The following TBC1D5 variants were observed in gnomAD, a reference collection of about 807,000 sequenced individuals.
TBC1D5 encodes the protein TBC1 domain family member 5.
TBC1D5 carries 75 observed loss-of-function variants against 100.3 expected under a neutral mutation model. That is an observed-to-expected ratio of 0.75 (90% CI 0.62 to 0.91). The LOEUF (loss-of-function observed/expected upper bound fraction) is 0.91, where lower values mean the gene tolerates loss of function less well. Ranked by LOEUF, TBC1D5 falls within the 40% of genes least tolerant of loss-of-function variation. The pLI is 0.00. For missense variants in TBC1D5, 910 were observed against 942.4 expected (o/e 0.97, Z 0.45); for synonymous variants, 323 against 325.6 (o/e 0.99, Z 0.09).
chr3:17,399,321 C>T (rs1005504723), intron 8 of TBC1D5, among the ~76,000 whole-genome samples: 1 of 151,876 alleles, frequency 6.6e-6, no homozygotes, highest in Non-Finnish European at 1.5e-5. Flanking sequence ...AACACTAGAT[C>T]CCAAGAAAAC....
chr3:17,412,850 G>A (rs1407780041), intron 4 of TBC1D5, among the ~76,000 whole-genome samples: 1 of 152,084 alleles, frequency 6.6e-6, no homozygotes, highest in Non-Finnish European at 1.5e-5. Context: ...AACCACTAAA[G>A]GGAAACATGA....
At chr3:17,396,397 T>C (rs576231881) in intron 8 of TBC1D5, among the ~76,000 whole-genome samples, 9 of 152,114 alleles carry the variant, frequency 5.9e-5, no homozygotes, top group African/African-American at 2.2e-4. Context: ...TGCTCTGAAA[T>C]TGCTTGTAAA....
rs1242051687 is a variant in TBC1D5 at position 17,690,463 on chromosome 3, G to A, written c.-101+48880C>T. Among the ~76,000 whole-genome samples the A allele has an allele frequency of 3.0e-4, 9 of 30,228 alleles. 4 individuals are homozygous for A. Among genetic ancestry groups the A allele is most frequent in the Admixed American group, 8.9e-4 (2 of 2,256 alleles). 19.8% of individuals were successfully genotyped at this position (30,228 alleles called of 152,430 possible). On this transcript the variant is annotated intron_variant, in intron 1 of 21. Coordinates refer to ENST00000253692, the Ensembl canonical transcript of TBC1D5. ...GATCTCCTGACCTCGTGATCCGCCC[G>A]CCTCGGCCTCCCAAAGTGCTGGGAT...
intron 4 of TBC1D5, among the ~76,000 whole-genome samples, chr3:17,407,375 GCTA>G (rs1297412527): frequency 6.6e-6 from 1 of 152,066 alleles, no homozygotes; most frequent in Non-Finnish European, 1.5e-5. Context: ...TTGAGTAGAG[GCTA>G]CTGAGATTAG....
chr3:17,689,650 C>T (rs2070828905), intron 1 of TBC1D5, among the ~76,000 whole-genome samples: 2 of 152,032 alleles, frequency 1.3e-5, no homozygotes, highest in Admixed American at 6.6e-5. Context: ...TAAAAAGTCA[C>T]ATCAGGCAGG....
intron 1 of TBC1D5, among the ~76,000 whole-genome samples, chr3:17,643,092 A>G (rs115251786): frequency 3.0e-3 from 460 of 152,096 alleles, no homozygotes; most frequent in African/African-American, 0.011. Context: ...CATTACCTTT[A>G]GTTGTCATGT....
At chr3:17,562,824 T>C (rs1314351322) in intron 2 of TBC1D5, among the ~76,000 whole-genome samples, 10 of 152,210 alleles carry the variant, frequency 6.6e-5, no homozygotes, top group Non-Finnish European at 5.9e-5. Context: ...GCAAATCTAA[T>C]AAAAATTCCA....
At chr3:17,490,904 T>C (rs529629862) in intron 3 of TBC1D5, among the ~76,000 whole-genome samples, 1 of 152,340 alleles carries the variant, frequency 6.6e-6, no homozygotes, top group Non-Finnish European at 1.5e-5. Context: ...TTCAGCAGTA[T>C]GGCCATTTTC....
chr3:17,417,849 A>G (rs2094121240), intron 4 of TBC1D5, among the ~76,000 whole-genome samples: 1 of 151,314 alleles, frequency 6.6e-6, no homozygotes, highest in Non-Finnish European at 1.5e-5. Context: ...CCTCTCCAGC[A>G]CCTGTTGTTT....
chr3:17,394,750 CTACAAACCT>C lies in TBC1D5; in HGVS notation c.509+8422_509+8430del, dbSNP rs546599808. Among the ~76,000 whole-genome samples, 387 of 152,032 alleles carry C rather than the reference CTACAAACCT, an allele frequency of 2.5e-3. 2 individuals are homozygous for C. The highest frequency in any genetic ancestry group is 4.3e-3 in the Non-Finnish European group (292 of 67,960). ...GTATTTGCTGAATGGACAAATATAC[CTACAAACCT>C]TACAAACAACCAAACCTTTGAGGAA... On this transcript the variant is annotated intron_variant, in intron 8 of 21. Coordinates refer to ENST00000253692, the Ensembl canonical transcript of TBC1D5.
In TBC1D5 at chr3:17,700,537, C is replaced by G. The variant is rs577445181; in HGVS notation, c.-101+38806G>C. On this transcript the variant is annotated intron_variant, in intron 1 of 21. Transcript: ENST00000253692. ...CAAAAGAAACTACCATCAGAGTGAA[C>G]AGGCAACCTACAGAATAGGAGAAAA... 1.7e-4 allele frequency among the ~76,000 whole-genome samples: 26 copies of G among 152,264 alleles called. No individual in the cohort carries two copies. The South Asian group carries it at 5.4e-3, about 32-fold the overall frequency.
At chr3:17,214,736 C>G (rs954383517) in intron 17 of TBC1D5, among the ~76,000 whole-genome samples, 3 of 151,772 alleles carry the variant, frequency 2.0e-5, no homozygotes, top group Admixed American at 6.6e-5. Flanking sequence ...AAACCAGAAT[C>G]TATTATACTG....
intron 4 of TBC1D5, among the ~76,000 whole-genome samples, chr3:17,418,089 G>T (rs2094126513): frequency 6.6e-6 from 1 of 152,058 alleles, no homozygotes; most frequent in Non-Finnish European, 1.5e-5. Flanking sequence ...ATCATGGAAT[G>T]AAAATTGTAT....
chr3:17,320,228 A>G (rs936260320), intron 13 of TBC1D5, among the ~76,000 whole-genome samples: 1 of 152,222 alleles, frequency 6.6e-6, no homozygotes, highest in African/African-American at 2.4e-5. Context: ...ACACACAAAA[A>G]GGGGAATTTG....
intron 14 of TBC1D5, among the ~76,000 whole-genome samples, chr3:17,292,830 T>C (rs149656589): frequency 6.6e-4 from 100 of 152,318 alleles, no homozygotes; most frequent in African/African-American, 2.4e-3. Context: ...ACTTCTGTGG[T>C]TGCAAGTGAA....
intron 13 of TBC1D5, among the ~76,000 whole-genome samples, chr3:17,343,210 A>T (rs555142721): frequency 2.0e-3 from 309 of 152,252 alleles, no homozygotes; most frequent in African/African-American, 7.1e-3. Flanking sequence ...CCTTTTCTGC[A>T]TCTATTGAGA....
intron 1 of TBC1D5, among the ~76,000 whole-genome samples, chr3:17,690,202 ATATTTTTTTTTT>A (rs1476747738): frequency 1.6e-5 from 1 of 61,022 alleles, no homozygotes; most frequent in African/African-American, 5.7e-5. Context: ...AAAAATAGCC[ATATTTTTTTTTT>A]TTTTTTTTTT....
In TBC1D5 at chr3:17,214,190, T is replaced by G; in HGVS notation, c.1752+17A>C. The G allele has an allele frequency of 1.9e-6, 3 of 1,596,624 alleles. No individual in the cohort carries two copies. Among genetic ancestry groups the G allele is most frequent in the Non-Finnish European group, 2.6e-6 (3 of 1,172,622 alleles). ...AGAAAATGAAGAACGAAGAGAAAACTGTCCTTAAATACTTACAGATTCTTT... is the reference window on the plus strand; with the variant it reads ...AGAAAATGAAGAACGAAGAGAAAACGGTCCTTAAATACTTACAGATTCTTT... On this transcript the variant is annotated intron_variant, in intron 18 of 21. Coordinates refer to ENST00000253692, the Ensembl canonical transcript of TBC1D5.
chr3:17,327,240 A>G (rs1575352956), intron 13 of TBC1D5, among the ~76,000 whole-genome samples: 1 of 152,206 alleles, frequency 6.6e-6, no homozygotes, highest in East Asian at 1.9e-4. Context: ...AGTGAAAAAA[A>G]AGATTGTTAT....
Sources: allele counts gnomAD v4.1 joint callset (sites outside exome capture counted in the v4.1 genomes callset), GRCh38; gene constraint gnomAD v4.1.1; transcripts MANE v1.5; gene names NCBI Gene and HGNC (gene_info 2026-07-23, HGNC 2026-07-21).